GYPE: variants seen among roughly 807,000 people sequenced by gnomAD.
GYPE encodes glycophorin E (MNS blood group).
Under a neutral mutation model 11.6 loss-of-function variants are expected in GYPE, and 8 were observed. The observed-to-expected ratio is 0.69, with a 90% CI of 0.41 to 1.25. The LOEUF (loss-of-function observed/expected upper bound fraction) is 1.25. Among genes scored for constraint, GYPE ranks in the 50% most tolerant of loss-of-function variants. GYPE has a pLI of 0.01. For missense variants in GYPE, 90 were observed against 92.8 expected (o/e 0.97, Z 0.12); for synonymous variants, 28 against 29.6 (o/e 0.94, Z 0.18).
At chr4:143,879,903 C>T (rs1743956799) in intron 2 of GYPE, among the ~76,000 whole-genome samples, 2 of 152,146 alleles carry the variant, frequency 1.3e-5, no homozygotes, top group Admixed American at 6.5e-5. Context: ...TTATCAGTCA[C>T]TGAGAATGTG....
rs940147300 is a variant in GYPE at position 143,871,851 on chromosome 4, C to T, written c.*411G>A. 3.3e-5 allele frequency: 5 copies of T among 152,160 alleles called. No homozygotes were observed. The highest frequency in any genetic ancestry group is 1.2e-4 in the African/African-American group (5 of 41,420). The allele number at this position is 152,160 out of a possible 1,614,324, so 9.4% of individuals were successfully genotyped here. ...AGTTCTGAGAAAGGCAGTGATTGAGCAGCTGAATTCCATCCATTTGGTGGG... is the reference window on the plus strand; with the variant it reads ...AGTTCTGAGAAAGGCAGTGATTGAGTAGCTGAATTCCATCCATTTGGTGGG... On this transcript the variant is annotated 3_prime_UTR_variant, in exon 4 of 4. Coordinates refer to ENST00000358615, the MANE Select transcript of GYPE (RefSeq NM_198682.3).
intron 2 of GYPE, 101 bp downstream of exon 2, chr4:143,880,308 TCA>T (rs1459893565): frequency 6.3e-7 from 1 of 1,579,226 alleles, no homozygotes; most frequent in African/African-American, 1.4e-5. Context: ...CTCGCATTTC[TCA>T]GTGTTTGTCA....
intron 2 of GYPE, among the ~76,000 whole-genome samples, chr4:143,879,504 G>A (rs1251933684): frequency 6.6e-6 from 1 of 152,092 alleles, no homozygotes; most frequent in African/African-American, 2.4e-5. Context: ...AAACAGATGG[G>A]TTTTCTGTCA....
At position 143,889,302 on chromosome 4, in the gene GYPE, T is replaced by A. The variant is rs2440809; in HGVS notation, c.38-8793A>T. On this transcript the variant is annotated intron_variant, in intron 1 of 3. Transcript: ENST00000358615. ...AGACAGCAGAGGTGGAGAAAAAAAT[T>A]GGTCACTCTGTCATTCCAGCCAGTG... 1.3e-3 allele frequency among the ~76,000 whole-genome samples: 202 copies of A among 150,284 alleles called. 1 individual carries two copies. Among genetic ancestry groups the A allele is most frequent in the African/African-American group, 4.9e-3 (197 of 40,590 alleles).
At chr4:143,888,559 C>G (rs1304085305) in intron 1 of GYPE, among the ~76,000 whole-genome samples, 2 of 149,154 alleles carry the variant, frequency 1.3e-5, no homozygotes, top group Non-Finnish European at 3.0e-5. Flanking sequence ...AAGTTATGCT[C>G]AGCTAATTTG....
intron 1 of GYPE, among the ~76,000 whole-genome samples, chr4:143,889,406 TATTC>T (rs1744320882): frequency 6.6e-6 from 1 of 152,118 alleles, no homozygotes; most frequent in Admixed American, 6.5e-5. Context: ...AGCAGAGTTC[TATTC>T]CTGGCTTTGC....
chr4:143,880,061 C>G (rs2590018), intron 2 of GYPE, among the ~76,000 whole-genome samples: 33 of 152,184 alleles, frequency 2.2e-4, no homozygotes, highest in African/African-American at 4.8e-4. Context: ...CAGCAGCTGG[C>G]ATAGAGCTGA....
Position 143,871,593 on chromosome 4 carries a change from A to G in GYPE, c.*669T>C, listed in dbSNP as rs1250551514. On this transcript the variant is annotated 3_prime_UTR_variant, in exon 4 of 4. Transcript: ENST00000358615. ...AGTGACCTGGTGGTGAATATATGGT[A>G]ATGGGTAAATCCCACTTCACCTAAT... is the stretch of plus-strand genomic sequence containing the variant. 4 of 152,174 alleles carry G rather than the reference A, an allele frequency of 2.6e-5. No homozygotes were observed. Among genetic ancestry groups the G allele is most frequent in the Non-Finnish European group, 5.9e-5 (4 of 68,080 alleles). 9.4% of individuals were successfully genotyped at this position (152,174 alleles called of 1,614,324 possible). A position where few individuals can be genotyped will look rare whatever the true frequency, so the allele number is the denominator to read the frequency against.
chr4:143,876,217 A>C (rs1743803117), intron 3 of GYPE, among the ~76,000 whole-genome samples: 1 of 151,994 alleles, frequency 6.6e-6, no homozygotes, highest in South Asian at 2.1e-4. Context: ...AGGCTGAAGC[A>C]ATCCTCCCAC....
chr4:143,880,483 T>C lies in GYPE; in HGVS notation c.64A>G (p.Thr22Ala), dbSNP rs547887963. 3.1e-6 allele frequency: 5 copies of C among 1,614,014 alleles called. No individual in the cohort carries two copies. The East Asian group carries it at 8.9e-5, about 29-fold the overall frequency. Residue 22 changes from threonine (T) to alanine (A), a missense_variant, in exon 2 of 4, where the codon ACC becomes GCC. Coordinates refer to ENST00000358615, the MANE Select transcript of GYPE (RefSeq NM_198682.3). Reference sequence around the variant, plus strand: ...GAAGTGTGCATTGCCACACCAGTGGTACTTGATGCTGATATGCTCACAATT... The same window carrying C: ...GAAGTGTGCATTGCCACACCAGTGGCACTTGATGCTGATATGCTCACAATT... ...SGIVSISASS[T>A]TGVAMHTSTS...
intron 1 of GYPE, among the ~76,000 whole-genome samples, chr4:143,883,835 AC>A (rs1744149791): frequency 1.3e-5 from 2 of 152,004 alleles, no homozygotes; most frequent in South Asian, 4.2e-4. Context: ...AGAAAAAAAA[AC>A]AAAAAGTAAA....
chr4:143,897,121 A>G (rs1744682817), intron 1 of GYPE, among the ~76,000 whole-genome samples: 1 of 152,112 alleles, frequency 6.6e-6, no homozygotes, highest in African/African-American at 2.4e-5. Context: ...ACTAACCGGC[A>G]CATTGTGCAC....
At chr4:143,881,692 T>A (rs6824489) in intron 1 of GYPE, among the ~76,000 whole-genome samples, 41,085 of 152,140 alleles carry the variant, frequency 0.27, 5,886 homozygotes, top group East Asian at 0.36. Context: ...TGTGGTTTAT[T>A]TTTCAATCTT....
chr4:143,892,646 C>G (rs1251504988), intron 1 of GYPE, among the ~76,000 whole-genome samples: 1 of 151,944 alleles, frequency 6.6e-6, no homozygotes, highest in African/African-American at 2.4e-5. Flanking sequence ...ATCCTGAGTT[C>G]TAGTTTGATT....
intron 1 of GYPE, among the ~76,000 whole-genome samples, chr4:143,897,141 A>G (rs1331703103): frequency 3.3e-5 from 5 of 152,098 alleles, no homozygotes; most frequent in African/African-American, 1.2e-4. Flanking sequence ...CATGTACCCT[A>G]AAGCTTACAG....
At chr4:143,893,440 G>A (rs1193151588) in intron 1 of GYPE, among the ~76,000 whole-genome samples, 4 of 150,764 alleles carry the variant, frequency 2.7e-5, no homozygotes, top group Non-Finnish European at 3.0e-5. Context: ...ATTTTGCAGC[G>A]GCTGTTACCG....
intron 3 of GYPE, among the ~76,000 whole-genome samples, chr4:143,876,030 G>A (rs563369689): frequency 9.2e-4 from 139 of 151,890 alleles, no homozygotes; most frequent in Non-Finnish European, 1.3e-3. Context: ...CTGATGTTAA[G>A]AATTCATGGG....
chr4:143,881,671 T>C (rs943973016), intron 1 of GYPE, among the ~76,000 whole-genome samples: 4 of 152,238 alleles, frequency 2.6e-5, no homozygotes, highest in South Asian at 2.1e-4. Context: ...TATTCCATTA[T>C]ATGAATGTTC....
chr4:143,882,700 T>C (rs1257407054), intron 1 of GYPE, among the ~76,000 whole-genome samples: 1 of 152,148 alleles, frequency 6.6e-6, no homozygotes, highest in East Asian at 1.9e-4. Context: ...GTCACTTCCA[T>C]TTCTAACTTT....
Sources: allele counts gnomAD v4.1 joint callset (sites outside exome capture counted in the v4.1 genomes callset), GRCh38; gene constraint gnomAD v4.1.1; transcripts MANE v1.5; gene names NCBI Gene and HGNC (gene_info 2026-07-23, HGNC 2026-07-21).